Variants in NOMO1 observed in about 807,000 individuals in gnomAD.
NOMO1 encodes the protein NODAL modulator 1.
In NOMO1, 40 loss-of-function variants were observed where a neutral mutation model predicts 133.8. That is an observed-to-expected ratio of 0.30 (90% CI 0.23 to 0.39). The LOEUF (loss-of-function observed/expected upper bound fraction) is 0.39, where lower values mean the gene tolerates loss of function less well. Ranked by LOEUF, NOMO1 falls within the 10% of genes least tolerant of loss-of-function variation. The pLI, the probability that NOMO1 is intolerant of heterozygous loss-of-function variation, is 1.00. For synonymous variants in NOMO1, 236 were observed against 570.5 expected, an observed-to-expected ratio of 0.41 and a Z score of 8.36; for missense variants, 462 against 1,419.9, an observed-to-expected ratio of 0.33 and a Z score of 10.84.
intron 27 of NOMO1, among the ~76,000 whole-genome samples, chr16:14,885,274 G>A (rs1010539772): frequency 3.3e-5 from 5 of 151,784 alleles, no homozygotes; most frequent in African/African-American, 1.2e-4. Flanking sequence ...TGGAGAGCAG[G>A]TGGTCTGGGC....
At position 14,864,783 on chromosome 16, in the gene NOMO1, G is replaced by C. The variant is rs1204730902; in HGVS notation, c.1537+57G>C. On this transcript the variant is annotated intron_variant, in intron 13 of 30. Coordinates refer to ENST00000287667, the MANE Select transcript of NOMO1 (RefSeq NM_014287.4). ...GTTTCAAAGAAGTCAGCCGGTAGGA[G>C]TGGGATTTGGGAAACTTTTCCTTTT... 2.5e-6 allele frequency: 4 copies of C among 1,613,278 alleles called. No homozygotes were observed. In the East Asian group the frequency reaches 8.9e-5, roughly 36 times the overall value.
intron 3 of NOMO1, among the ~76,000 whole-genome samples, chr16:14,842,866 G>A (rs1195270247): frequency 6.7e-6 from 1 of 149,848 alleles, no homozygotes; most frequent in Non-Finnish European, 1.5e-5. Context: ...TCTCTTTGCT[G>A]TTGAGAATTC....
intron 3 of NOMO1, among the ~76,000 whole-genome samples, chr16:14,842,496 TTG>T (rs1963620420): frequency 6.6e-6 from 1 of 150,928 alleles, no homozygotes; most frequent in Non-Finnish European, 1.5e-5. Context: ...TGGAGGAGTG[TTG>T]TGTTTGCCAC....
chr16:14,881,372 C>T (rs918740149), intron 24 of NOMO1, among the ~76,000 whole-genome samples, 172 bp from the exon 25 acceptor site: 1 of 151,986 alleles, frequency 6.6e-6, no homozygotes, highest in African/African-American at 2.4e-5. Flanking sequence ...CTTATCCCTC[C>T]GGCAGGAAGG....
chr16:14,842,398 G>A, intron 3 of NOMO1, among the ~76,000 whole-genome samples: 1 of 146,480 alleles, frequency 6.8e-6, no homozygotes. Context: ...CAGGGGTAGG[G>A]TGGGGGGTGC....
intron 1 of NOMO1, among the ~76,000 whole-genome samples, chr16:14,836,694 C>CTGATTTTTTTT (rs1441454921): frequency 7.6e-6 from 1 of 131,270 alleles, no homozygotes; most frequent in African/African-American, 2.9e-5. Context: ...TTCCATTTTA[C>CTGATTTTTTTT]TTTTTTTTTT....
chr16:14,850,307 A>C (rs1352490776), intron 6 of NOMO1, among the ~76,000 whole-genome samples: 4 of 151,900 alleles, frequency 2.6e-5, no homozygotes, highest in African/African-American at 9.7e-5. Flanking sequence ...CATGTATGGG[A>C]ATAGCAGACG....
At chr16:14,887,662 T>G (rs943759684) in intron 28 of NOMO1, among the ~76,000 whole-genome samples, 6 of 152,114 alleles carry the variant, frequency 3.9e-5, no homozygotes, top group African/African-American at 1.5e-4. Flanking sequence ...CCATGATTTA[T>G]TTAACCAAGG....
At chr16:14,856,940 C>T (rs1963847478) in intron 9 of NOMO1, among the ~76,000 whole-genome samples, 1 of 151,924 alleles carries the variant, frequency 6.6e-6, no homozygotes, top group South Asian at 2.1e-4. Context: ...TGGGGGGCTT[C>T]TAGAAGCTTG....
chr16:14,840,582 A>G (rs1963590857), intron 2 of NOMO1, among the ~76,000 whole-genome samples: 1 of 148,914 alleles, frequency 6.7e-6, no homozygotes, highest in African/African-American at 2.5e-5. Context: ...GCGAGGCTCC[A>G]TCTCAAAAAA....
chr16:14,864,489 T>A (rs1042245662), intron 12 of NOMO1, 96 bp from the exon 13 acceptor site: 1 of 1,557,336 alleles, frequency 6.4e-7, no homozygotes, highest in African/African-American at 1.4e-5. Flanking sequence ...CAAAATCTCT[T>A]TAGCCTTGGT....
rs1410410370 is a variant in NOMO1, at chr16:14,868,623, C to T, written c.1882C>T (p.Leu628=). 1.3e-6 allele frequency: 2 copies of T among 1,579,164 alleles called. No individual in the cohort carries two copies. The highest frequency in any genetic ancestry group is 1.7e-5 in the Admixed American group (1 of 59,690). ...NLSKGVNRFC[L]SKPGVYKVTP... is the part of the protein sequence containing the mutation. ...CTCCAAAGGAGTCAACCGATTCTGC[C>T]TGTCCAAGCCTGGTAAGTTTGGAAG... Residue 628 remains leucine (L), a synonymous_variant, in exon 16 of 31, where the codon CTG becomes TTG. Coordinates refer to ENST00000287667, the MANE Select transcript of NOMO1 (RefSeq NM_014287.4).
At chr16:14,835,194 A>G (rs1172396479) in intron 1 of NOMO1, among the ~76,000 whole-genome samples, 1 of 146,368 alleles carries the variant, frequency 6.8e-6, no homozygotes, top group East Asian at 2.0e-4. Flanking sequence ...AGTGGAACCC[A>G]GCAGATACAT....
rs1964022783 is a variant in NOMO1, at chr16:14,867,593, G to A, written c.1806+902G>A. Among the ~76,000 whole-genome samples, 4 of 145,824 alleles carry A rather than the reference G, an allele frequency of 2.7e-5. No homozygotes were observed. The Admixed American group carries it at 2.8e-4, about 10-fold the overall frequency. ...TGTGGTCTCTGTGGCCTGAAAGGCA[G>A]TGTGAAATGGGTTTCAGGAGCACCT... On this transcript the variant is annotated intron_variant, in intron 15 of 30. Coordinates refer to ENST00000287667, the MANE Select transcript of NOMO1 (RefSeq NM_014287.4).
At position 14,864,662 on chromosome 16, in the gene NOMO1, G is replaced by T; in HGVS notation, c.1473G>T (p.Arg491Ser). ...PQTFPLTVTN[R>S]PMMDVAFVQF... ...CATTTCCTCTTACTGTGACCAACAG[G>T]CCCATGATGGATGTGGCCTTTGTAC... The change falls in exon 13 of 31, where the codon AGG becomes AGT. Residue 491 changes from arginine (R) to serine (S), a missense_variant. Arg to Ser is a moderately radical substitution (Grantham distance 110). Coordinates refer to ENST00000287667, the MANE Select transcript of NOMO1 (RefSeq NM_014287.4). 6.2e-7 allele frequency: 1 copy of T among 1,612,770 alleles called. No individual in the cohort carries two copies. The highest frequency in any genetic ancestry group is 8.5e-7 in the Non-Finnish European group (1 of 1,179,642).
chr16:14,894,442 G>A (rs897966533), intron 29 of NOMO1, among the ~76,000 whole-genome samples: 2 of 151,802 alleles, frequency 1.3e-5, no homozygotes, highest in Non-Finnish European at 2.9e-5. Flanking sequence ...CTATATTGTC[G>A]GTGGCCCAGA....
intron 29 of NOMO1, among the ~76,000 whole-genome samples, chr16:14,892,722 G>A (rs1964424251): frequency 6.6e-6 from 1 of 150,798 alleles, no homozygotes; most frequent in African/African-American, 2.5e-5. Flanking sequence ...GCCCTCACAG[G>A]TTGATCCTCA....
At position 14,886,703 on chromosome 16, in the gene NOMO1, A is replaced by G. The variant is rs896136681; in HGVS notation, c.3223-58A>G. ...AGCGGCTGTCCTGAGGATGTCTGCT[A>G]TGAAATATTGATTGTGTTTCAGTTT... On this transcript the variant is annotated intron_variant, in intron 27 of 30. Coordinates refer to ENST00000287667, the MANE Select transcript of NOMO1 (RefSeq NM_014287.4). The G allele has an allele frequency of 1.9e-5, 31 of 1,610,330 alleles. 1 individual carries two copies. The highest frequency in any genetic ancestry group is 2.6e-5 in the Non-Finnish European group (31 of 1,178,800).
At chr16:14,839,485 C>T (rs1963573112) in intron 2 of NOMO1, among the ~76,000 whole-genome samples, 1 of 151,952 alleles carries the variant, frequency 6.6e-6, no homozygotes, top group Non-Finnish European at 1.5e-5. Flanking sequence ...GATATGTATC[C>T]ACAAACACCT....
Sources: allele counts gnomAD v4.1 joint callset (sites outside exome capture counted in the v4.1 genomes callset), GRCh38; gene constraint gnomAD v4.1.1; transcripts MANE v1.5; gene names NCBI Gene and HGNC (gene_info 2026-07-23, HGNC 2026-07-21).